TCF20: variants seen among roughly 807,000 people sequenced by gnomAD.
TCF20 encodes transcription factor 20, also known as SPRE-binding protein.
TCF20 carries 3 observed loss-of-function variants against 148.6 expected under a neutral mutation model. The observed-to-expected ratio is 0.02, with a 90% CI of 0.01 to 0.05. The LOEUF is 0.05. Among genes scored for constraint, TCF20 ranks in the 10% least tolerant of loss-of-function variants. TCF20 has a pLI of 1.00. For missense variants in TCF20, 2,350 were observed against 2,429.3 expected (o/e 0.97, Z 0.69); for synonymous variants, 1,049 against 909.5 (o/e 1.15, Z -2.76).
chr22:42,270,741 G>A (rs927422053), upstream of TCF20, among the ~76,000 whole-genome samples: 2 of 143,062 alleles, frequency 1.4e-5, no homozygotes, highest in African/African-American at 5.0e-5. Context: ...GGGGCGGGGC[G>A]CGCGGCGGGG....
At chr22:42,280,576 T>A (rs753119528) in intron 1 of TCF20, among the ~76,000 whole-genome samples, 1 of 152,228 alleles carries the variant, frequency 6.6e-6, no homozygotes, top group South Asian at 2.1e-4. Flanking sequence ...GAGAGACTAT[T>A]AAGCTAATAC....
intron 5 of TCF20, among the ~76,000 whole-genome samples, chr22:42,168,208 A>C (rs1380285881): frequency 6.6e-6 from 1 of 152,160 alleles, no homozygotes; most frequent in Non-Finnish European, 1.5e-5. Flanking sequence ...AGCTTTACAG[A>C]AATGTAGTAA....
At chr22:42,226,685 G>C (rs1422845482) in intron 1 of TCF20, among the ~76,000 whole-genome samples, 1 of 152,120 alleles carries the variant, frequency 6.6e-6, no homozygotes, top group East Asian at 1.9e-4. Flanking sequence ...ATCCAGCGTG[G>C]GTGACAGAGT....
rs1927287077 is a variant in TCF20, at chr22:42,299,141, A to ACTTGGCCCTGCAGGCTTCTCTGGC, written c.-37+44314_-37+44337dup. ...TGGAGGGGTACCCCCAAAAATCTGGACTTGGCCCTGCAGGCTTCTCTGGCC... is the reference window on the plus strand; with the variant it reads ...TGGAGGGGTACCCCCAAAAATCTGGACTTGGCCCTGCAGGCTTCTCTGGCCTTGGCCCTGCAGGCTTCTCTGGCC... On this transcript the variant is annotated intron_variant, in intron 1 of 1. Transcript: ENST00000515426. The surrounding 1 kb of genome is among the most constrained non-coding windows in gnomAD (Gnocchi z 4.1). Among the ~76,000 whole-genome samples, 2 of 152,272 alleles carry ACTTGGCCCTGCAGGCTTCTCTGGC rather than the reference A, an allele frequency of 1.3e-5. No homozygotes were observed. Among genetic ancestry groups the ACTTGGCCCTGCAGGCTTCTCTGGC allele is most frequent in the East Asian group, 3.9e-4 (2 of 5,176 alleles).
At chr22:42,216,116 G>T (rs1459100499) in intron 1 of TCF20, among the ~76,000 whole-genome samples, 1 of 45,560 alleles carries the variant, frequency 2.2e-5, no homozygotes, top group Non-Finnish European at 4.6e-5. Flanking sequence ...TTGAGACAAG[G>T]TCTCACTCTT....
rs145975105 is a variant in TCF20, at chr22:42,259,377, ACTT to A, written c.-37+10959_-37+10961del. ...TCAATTAGGAAGCAAGGAAGAAACA[ACTT>A]CTCTACATACTTACATTATTAATCT... On this transcript the variant is annotated intron_variant, in intron 1 of 5. Coordinates refer to ENST00000677622, the MANE Select transcript of TCF20 (RefSeq NM_001378418.1). Among the ~76,000 whole-genome samples the A allele has an allele frequency of 5.9e-3, 903 of 152,258 alleles. 7 individuals carry two copies. Among genetic ancestry groups the A allele is most frequent in the African/African-American group, 0.021 (861 of 41,556 alleles).
chr22:42,330,036 G>A (rs1428445494), intron 1 of TCF20, among the ~76,000 whole-genome samples: 1 of 152,160 alleles, frequency 6.6e-6, no homozygotes, highest in African/African-American at 2.4e-5. Flanking sequence ...CCTCCATCAG[G>A]CAAGAGCTTA....
chr22:42,302,580 G>A (rs1927356550), intron 1 of TCF20, among the ~76,000 whole-genome samples: 1 of 152,202 alleles, frequency 6.6e-6, no homozygotes, highest in South Asian at 2.1e-4. Flanking sequence ...GACAGAGACC[G>A]GCCTCTTTCA....
intron 1 of TCF20, among the ~76,000 whole-genome samples, chr22:42,223,896 A>G (rs1922607407): frequency 6.6e-6 from 1 of 152,190 alleles, no homozygotes; most frequent in Non-Finnish European, 1.5e-5. Flanking sequence ...CTCAGTGGCT[A>G]AAAGTTATCT....
intron 2 of TCF20, among the ~76,000 whole-genome samples, chr22:42,182,590 T>C (rs9607885): frequency 0.24 from 36,809 of 152,094 alleles, 4,867 homozygotes; most frequent in East Asian, 0.34. Flanking sequence ...ATTTATAACA[T>C]TGCATCCAAA....
upstream of TCF20, among the ~76,000 whole-genome samples, chr22:42,286,596 T>C (rs1569201285): frequency 6.6e-6 from 1 of 152,222 alleles, no homozygotes; most frequent in African/African-American, 2.4e-5. Flanking sequence ...AAGATTACTT[T>C]ATCTGATCAG....
intron 3 of TCF20, among the ~76,000 whole-genome samples, chr22:42,173,668 A>T (rs1175734800): frequency 6.6e-6 from 1 of 152,134 alleles, no homozygotes; most frequent in Non-Finnish European, 1.5e-5. Flanking sequence ...TTCCAAGAAG[A>T]CTGTGTGGAA....
At chr22:42,288,521 C>T (rs1988045601), upstream of TCF20, among the ~76,000 whole-genome samples, 1 of 121,978 alleles carries the variant, frequency 8.2e-6, no homozygotes, top group Admixed American at 9.8e-5. Flanking sequence ...GGCAATAGAG[C>T]AAGACTCCAT....
rs1423629755 is a variant in TCF20 at position 42,290,809 on chromosome 22, A to G, written c.-37+52670T>C. 6.6e-6 allele frequency among the ~76,000 whole-genome samples: 1 copy of G among 152,204 alleles called. No homozygotes were observed. Among genetic ancestry groups the G allele is most frequent in the Non-Finnish European group, 1.5e-5 (1 of 68,024 alleles). ...ACGAGGTCAGCCTCCCAGAGCACAC[A>G]GGGGCCTTGGGGCAGGCCTGCTGCC... On this transcript the variant is annotated intron_variant, in intron 1 of 1. Transcript: ENST00000515426. The surrounding 1 kb of genome is among the most constrained non-coding windows in gnomAD (Gnocchi z 4.2).
intron 1 of TCF20, among the ~76,000 whole-genome samples, chr22:42,231,354 T>G (rs1351507884): frequency 6.6e-6 from 1 of 152,004 alleles, no homozygotes; most frequent in African/African-American, 2.4e-5. Flanking sequence ...CACGGTGGTA[T>G]GCACCTGTAG....
At position 42,213,167 on chromosome 22, in the gene TCF20, G is replaced by A. The variant is rs748763724; in HGVS notation, c.2139C>T (p.Phe713=). The A allele has an allele frequency of 1.2e-5, 20 of 1,614,038 alleles. No homozygotes were observed. The highest frequency in any genetic ancestry group is 2.2e-5 in the South Asian group (2 of 91,076). Residue 713 remains phenylalanine, a synonymous_variant, in exon 2 of 6, where the codon TTC becomes TTT. Transcript: ENST00000677622. ...GSLRYSYKDS[F]GSAVPRNVSG... is the part of the protein sequence containing the mutation. ...TGACATTTCGTGGCACGGCTGACCC[G>A]AAACTATCTTTGTAACTATAGCGCA...
intron 1 of TCF20, among the ~76,000 whole-genome samples, chr22:42,238,449 T>C (rs1295285906): frequency 1.3e-5 from 2 of 152,308 alleles, no homozygotes; most frequent in East Asian, 3.9e-4. Flanking sequence ...TTCACTGGAG[T>C]TGTACTTTTA....
intron 2 of TCF20, among the ~76,000 whole-genome samples, chr22:42,191,101 C>T (rs975736137): frequency 3.3e-5 from 5 of 152,168 alleles, no homozygotes; most frequent in African/African-American, 1.2e-4. Flanking sequence ...CAATCTATGT[C>T]CCCCTTCTGG....
chr22:42,233,207 C>T (rs1231781476), intron 1 of TCF20, among the ~76,000 whole-genome samples: 1 of 151,998 alleles, frequency 6.6e-6, no homozygotes, highest in Admixed American at 6.6e-5. Context: ...CAGGTGTGAG[C>T]CATCACACCC....
Sources: allele counts gnomAD v4.1 joint callset (sites outside exome capture counted in the v4.1 genomes callset), GRCh38; gene constraint gnomAD v4.1.1; non-coding constraint Gnocchi (gnomAD v3.1); transcripts MANE v1.5; gene names NCBI Gene and HGNC (gene_info 2026-07-23, HGNC 2026-07-21).